Variants in CLNK observed in about 807,000 individuals in gnomAD.
CLNK encodes cytokine-dependent hematopoietic cell linker.
In CLNK, 74 loss-of-function variants were observed where a neutral mutation model predicts 68.6. The ratio of observed to expected loss-of-function variants is 1.08; its 90% confidence interval spans 0.89 to 1.31. CLNK has a LOEUF of 1.31. Ranked by LOEUF, CLNK falls within the 50% of genes most tolerant of loss-of-function variation. The pLI, the probability that CLNK is intolerant of heterozygous loss-of-function variation, is 0.00. For missense variants in CLNK, 553 were observed against 515.3 expected, an observed-to-expected ratio of 1.07 and a Z score of -0.71; for synonymous variants, 198 against 172.2, an observed-to-expected ratio of 1.15 and a Z score of -1.17.
chr4:10,524,357 C>T (rs554945533), intron 14 of CLNK, among the ~76,000 whole-genome samples: 314 of 152,252 alleles, frequency 2.1e-3, no homozygotes, highest in Middle Eastern at 0.01. Flanking sequence ...AGTGAATGTT[C>T]GTTGGGCTCT....
chr4:10,712,207 T>G, the CLNK span, among the ~76,000 whole-genome samples: 2 of 152,190 alleles, frequency 1.3e-5, no homozygotes, highest in African/African-American at 4.8e-5. Flanking sequence ...GAGGTGCCAG[T>G]CTGTCACCTC....
chr4:10,662,344 A>G (rs1724228485), intron 2 of CLNK, among the ~76,000 whole-genome samples: 1 of 152,248 alleles, frequency 6.6e-6, no homozygotes. Flanking sequence ...TGGGGCCAGG[A>G]ATTCAGAATA....
chr4:10,543,208 A>G (rs1244615672), intron 8 of CLNK, among the ~76,000 whole-genome samples: 2 of 152,208 alleles, frequency 1.3e-5, no homozygotes, highest in Non-Finnish European at 2.9e-5. Context: ...AGAGAAGGAC[A>G]AAGTATTAAA....
intron 4 of CLNK, among the ~76,000 whole-genome samples, chr4:10,582,121 C>G (rs1720805649): frequency 6.6e-6 from 1 of 152,156 alleles, no homozygotes; most frequent in South Asian, 2.1e-4. Flanking sequence ...ATCTGAAATC[C>G]TGGCTTGTCC....
Position 10,525,940 on chromosome 4 carries a change from A to G in CLNK, c.650-18T>C, listed in dbSNP as rs1718302101. ...ATGAGGAACTATATAAAACAGTGAC[A>G]TAATTTGGTCAGGTTGCAAAAGAAA... On this transcript the variant is annotated intron_variant, in intron 13 of 18. Transcript: ENST00000226951. 2.0e-6 allele frequency: 3 copies of G among 1,502,118 alleles called. No homozygotes were observed. The highest frequency in any genetic ancestry group is 1.8e-6 in the Non-Finnish European group (2 of 1,101,944). The allele number at this position is 1,502,118 out of a possible 1,614,324, so 93.0% of individuals were successfully genotyped here.
intron 2 of CLNK, among the ~76,000 whole-genome samples, chr4:10,638,176 C>T (rs1404737047): frequency 6.6e-6 from 1 of 152,112 alleles, no homozygotes; most frequent in Non-Finnish European, 1.5e-5. Flanking sequence ...GTGAGAACAC[C>T]GACTGCAGAG....
intron 3 of CLNK, among the ~76,000 whole-genome samples, chr4:10,590,761 G>C (rs1721154088): frequency 6.6e-6 from 1 of 152,168 alleles, no homozygotes; most frequent in African/African-American, 2.4e-5. Flanking sequence ...AGGATGGAAA[G>C]TTTCTGCATT....
At chr4:10,673,060 G>A (rs1478874238) in intron 1 of CLNK, among the ~76,000 whole-genome samples, 1 of 152,176 alleles carries the variant, frequency 6.6e-6, no homozygotes, top group African/African-American at 2.4e-5. Flanking sequence ...ATTTGATCAT[G>A]GAAAAGTTTT....
intron 2 of CLNK, among the ~76,000 whole-genome samples, chr4:10,629,529 A>C (rs1453232832): frequency 6.6e-6 from 1 of 152,184 alleles, no homozygotes; most frequent in Non-Finnish European, 1.5e-5. Context: ...AGAGCGAGGA[A>C]GTGCTAACAC....
At chr4:10,699,268 C>CACACACCACATACGTGTAT in the CLNK span, among the ~76,000 whole-genome samples, 333 of 32,172 alleles carry the variant, frequency 0.01, 25 homozygotes, top group East Asian at 0.052. Context: ...TGTGTATACA[C>CACACACCACATACGTGTAT]ACACACACAC....
At chr4:10,592,105 C>A (rs1187539556) in intron 3 of CLNK, among the ~76,000 whole-genome samples, 1 of 152,254 alleles carries the variant, frequency 6.6e-6, no homozygotes, top group South Asian at 2.1e-4. Flanking sequence ...ACTTCTTACT[C>A]GAATCATGCA....
At chr4:10,657,188 A>G (rs1406988517) in intron 2 of CLNK, among the ~76,000 whole-genome samples, 7 of 152,242 alleles carry the variant, frequency 4.6e-5, no homozygotes, top group Non-Finnish European at 8.8e-5. Flanking sequence ...GGTGCAAGAT[A>G]AAATCTGTAA....
intron 2 of CLNK, among the ~76,000 whole-genome samples, chr4:10,654,332 T>C (rs1299179067): frequency 1.4e-5 from 2 of 140,692 alleles, no homozygotes; most frequent in African/African-American, 2.6e-5. Flanking sequence ...ATAATCACTT[T>C]AATAAATAAG....
At chr4:10,683,243 A>C (rs1041142620) in intron 1 of CLNK, among the ~76,000 whole-genome samples, 1 of 152,294 alleles carries the variant, frequency 6.6e-6, no homozygotes, top group African/African-American at 2.4e-5. Context: ...CTAAGACAGC[A>C]CCTGACTCAT....
Position 10,584,962 on chromosome 4 carries a change from C to G in CLNK, c.84-7G>C. ...ATTGATGCGAGGCCATGACCTAGGG[C>G]AGAAAAGAGAACCAAGTTAAATGTC... On this transcript the variant is annotated splice_region_variant and splice_polypyrimidine_tract_variant and intron_variant, in intron 3 of 18. Coordinates refer to ENST00000226951, the MANE Select transcript of CLNK (RefSeq NM_052964.4). 6.2e-7 allele frequency: 1 copy of G among 1,613,600 alleles called. No homozygotes were observed. Among genetic ancestry groups the G allele is most frequent in the Non-Finnish European group, 8.5e-7 (1 of 1,179,786 alleles).
At chr4:10,542,377 A>G in intron 8 of CLNK, 97 bp from the exon 9 acceptor site, 2 of 797,482 alleles carry the variant, frequency 2.5e-6, no homozygotes, top group East Asian at 2.7e-5. Flanking sequence ...ATTTGTAATA[A>G]TATTGGTGAT....
intron 2 of CLNK, among the ~76,000 whole-genome samples, chr4:10,624,092 A>C (rs2108863287): frequency 1.3e-5 from 2 of 152,340 alleles, no homozygotes; most frequent in South Asian, 4.1e-4. Context: ...TCTAGGTGGA[A>C]AAGCAAATAG....
the CLNK span, among the ~76,000 whole-genome samples, chr4:10,709,438 G>A: frequency 6.6e-6 from 1 of 152,170 alleles, no homozygotes; most frequent in Non-Finnish European, 1.5e-5. Context: ...TGGAAGTTAA[G>A]TCATTTTCCT....
the CLNK span, among the ~76,000 whole-genome samples, chr4:10,717,294 G>T: frequency 1.4e-3 from 215 of 152,272 alleles, no homozygotes; most frequent in African/African-American, 5.0e-3. Flanking sequence ...AGTATCAGAG[G>T]GGGTGGAGTA....
Sources: gnomAD v4.1 joint callset for allele counts (sites outside exome capture counted in the v4.1 genomes callset) on GRCh38, gnomAD v4.1.1 for gene constraint, MANE v1.5 for transcripts, NCBI Gene and HGNC (gene_info 2026-07-23, HGNC 2026-07-21) for gene names.